TENM2: variants seen among roughly 807,000 people sequenced by gnomAD.
TENM2 encodes the protein teneurin-2.
TENM2 carries 52 observed loss-of-function variants against 245.2 expected under a neutral mutation model. The observed-to-expected ratio is 0.21, with a 90% CI of 0.17 to 0.27. The LOEUF (loss-of-function observed/expected upper bound fraction) is 0.27, where lower values mean the gene tolerates loss of function less well. TENM2 is among the 10% of genes least tolerant of loss of function. The pLI is 1.00. For missense variants in TENM2, 3,046 were observed against 3,666.8 expected (o/e 0.83, Z 4.37); for synonymous variants, 1,363 against 1,438.9 (o/e 0.95, Z 1.19).
chr5:167,932,836 T>C (rs998435647), intron 3 of TENM2, among the ~76,000 whole-genome samples: 1 of 152,160 alleles, frequency 6.6e-6, no homozygotes, highest in Non-Finnish European at 1.5e-5. Flanking sequence ...TCCGTGGCCA[T>C]CGTTTGCCCG....
chr5:167,502,179 A>G (rs1215354166), intron 2 of TENM2, among the ~76,000 whole-genome samples: 1 of 152,198 alleles, frequency 6.6e-6, no homozygotes, highest in African/African-American at 2.4e-5. Flanking sequence ...TGATAACAAT[A>G]GTGGGATGCA....
chr5:167,135,128 C>G, the TENM2 span, among the ~76,000 whole-genome samples: 6 of 152,098 alleles, frequency 3.9e-5, no homozygotes, highest in Non-Finnish European at 8.8e-5. Context: ...GTAATTGTTT[C>G]AAAATTGGTT....
At chr5:168,256,367 A>T (rs1767660451) in intron 27 of TENM2, among the ~76,000 whole-genome samples, 2 of 151,980 alleles carry the variant, frequency 1.3e-5, no homozygotes, top group East Asian at 3.9e-4. Context: ...GCCAGATTAA[A>T]GCCAGGCTTC....
chr5:167,981,499 C>A (rs1162553592), intron 4 of TENM2, among the ~76,000 whole-genome samples: 2 of 152,156 alleles, frequency 1.3e-5, no homozygotes, highest in Non-Finnish European at 2.9e-5. Context: ...CTAGAATATT[C>A]TGGACAAAAA....
chr5:168,108,966 G>A lies in TENM2; in HGVS notation c.1814-9326G>A, dbSNP rs529449680. ...CCTTCTCTCTCCATGAAGGAGGCTC[G>A]GGTCTCAGCTGTCCTTCCTGAGACA... On this transcript the variant is annotated intron_variant, in intron 9 of 28. Transcript: ENST00000518659. Among the ~76,000 whole-genome samples the A allele has an allele frequency of 1.6e-4, 25 of 152,132 alleles. 1 individual carries two copies. The highest frequency in any genetic ancestry group is 5.8e-4 in the African/African-American group (24 of 41,498).
intron 11 of TENM2, among the ~76,000 whole-genome samples, 196 bp from the exon 14 acceptor site, chr5:168,126,558 T>G (rs1795865348): frequency 6.6e-6 from 1 of 152,174 alleles, no homozygotes; most frequent in African/African-American, 2.4e-5. Context: ...GGGGCCACAC[T>G]TTGAGAGTCA....
At chr5:167,318,644 G>A (rs2127766816) in intron 1 of TENM2, among the ~76,000 whole-genome samples, 1 of 152,268 alleles carries the variant, frequency 6.6e-6, no homozygotes, top group African/African-American at 2.4e-5. Context: ...TGGCAGCTGA[G>A]TCAAAAAGAA....
At chr5:167,049,343 G>C in the TENM2 span, among the ~76,000 whole-genome samples, 25 of 152,054 alleles carry the variant, frequency 1.6e-4, no homozygotes, top group Admixed American at 9.2e-4. Context: ...GAGCATTCAG[G>C]GTTTTTCATG....
intron 5 of TENM2, among the ~76,000 whole-genome samples, chr5:168,032,876 A>T (rs993554130): frequency 6.6e-6 from 1 of 152,174 alleles, no homozygotes; most frequent in Admixed American, 6.5e-5. Context: ...AACTGAGCAG[A>T]GAGTAATATT....
chr5:167,684,317 G>A (rs975147819), intron 2 of TENM2, among the ~76,000 whole-genome samples: 3 of 152,186 alleles, frequency 2.0e-5, no homozygotes, highest in African/African-American at 7.2e-5. Flanking sequence ...TCTCACATAA[G>A]CACAAAGCAG....
chr5:167,937,041 GATGTTTTGATATATGTACATTGTGGA>G (rs1778776472), intron 3 of TENM2, among the ~76,000 whole-genome samples: 3 of 152,064 alleles, frequency 2.0e-5, no homozygotes, highest in Admixed American at 2.0e-4. Flanking sequence ...TATACACCAC[GATGTTTTGATATATGTACATTGTGGA>G]ATGGCTAAAT....
At chr5:168,155,892 T>TAAAAAAAAAAAAAA (rs55977607) in intron 12 of TENM2, among the ~76,000 whole-genome samples, 6 of 96,928 alleles carry the variant, frequency 6.2e-5, no homozygotes, top group African/African-American at 1.8e-4. Context: ...CTGGCATCTG[T>TAAAAAAAAAAAAAA]AAAAAAAAAA....
chr5:168,176,229 A>C (rs573386964), intron 13 of TENM2, among the ~76,000 whole-genome samples: 1 of 152,264 alleles, frequency 6.6e-6, no homozygotes, highest in South Asian at 2.1e-4. Context: ...CCCCTGCTCA[A>C]GCCTTGCCAG....
At chr5:168,227,506 A>C (rs1277656074) in intron 24 of TENM2, among the ~76,000 whole-genome samples, 4 of 146,052 alleles carry the variant, frequency 2.7e-5, no homozygotes, top group Non-Finnish European at 6.0e-5. Flanking sequence ...AACTGAAGTC[A>C]TTTGCCTTTC....
intron 2 of TENM2, among the ~76,000 whole-genome samples, chr5:167,384,870 A>G (rs1245018014): frequency 6.6e-6 from 1 of 152,210 alleles, no homozygotes; most frequent in Non-Finnish European, 1.5e-5. Flanking sequence ...ACCTCTGACT[A>G]CCATATGAAT....
At chr5:167,769,002 C>A (rs916455714) in intron 2 of TENM2, among the ~76,000 whole-genome samples, 6 of 152,160 alleles carry the variant, frequency 3.9e-5, no homozygotes, top group African/African-American at 1.4e-4. Flanking sequence ...AATAGTGTTA[C>A]TTTACAGTTA....
At chr5:167,576,857 G>A (rs767294003) in intron 2 of TENM2, among the ~76,000 whole-genome samples, 8 of 152,010 alleles carry the variant, frequency 5.3e-5, no homozygotes, top group Non-Finnish European at 1.0e-4. Flanking sequence ...AAAAACAATC[G>A]AAAACCTACA....
At chr5:168,107,104 C>G (rs138653033) in intron 9 of TENM2, among the ~76,000 whole-genome samples, 186 of 152,230 alleles carry the variant, frequency 1.2e-3, no homozygotes, top group Non-Finnish European at 2.3e-3. Context: ...GAGCCTGATG[C>G]TGTTACCCTC....
intron 2 of TENM2, among the ~76,000 whole-genome samples, chr5:167,458,657 CTG>C (rs1434683685): frequency 6.6e-6 from 1 of 152,088 alleles, no homozygotes; most frequent in East Asian, 1.9e-4. Context: ...AGTAAAAACA[CTG>C]ATAATAACAA....
Sources: allele counts gnomAD v4.1 joint callset (sites outside exome capture counted in the v4.1 genomes callset), GRCh38; gene constraint gnomAD v4.1.1; transcripts MANE v1.5; gene names NCBI Gene and HGNC (gene_info 2026-07-23, HGNC 2026-07-21).